Variants in ATP7B observed in about 807,000 individuals in gnomAD.
ATP7B encodes ATPase copper transporting beta.
A neutral mutation model predicts 118.9 loss-of-function variants in ATP7B; 113 were observed. The ratio of observed to expected loss-of-function variants is 0.95; its 90% CI spans 0.82 to 1.11. The LOEUF (loss-of-function observed/expected upper bound fraction) is 1.11, where lower values mean the gene tolerates loss of function less well. Among genes scored for constraint, ATP7B ranks in the 50% most tolerant of loss-of-function variants. The probability of loss-of-function intolerance (pLI) is 0.00; values close to 1 mark genes in which losing one functional copy is unlikely to be tolerated. For synonymous variants in ATP7B, 777 were observed against 727.4 expected, an observed-to-expected ratio of 1.07 and a Z score of -1.10; for missense variants, 1,867 against 1,871.4, an observed-to-expected ratio of 1.00 and a Z score of 0.04.
intron 14 of ATP7B, among the ~76,000 whole-genome samples, chr13:51,943,671 C>T (rs1957474585): frequency 6.6e-6 from 1 of 152,164 alleles, no homozygotes; most frequent in South Asian, 2.1e-4. Flanking sequence ...CACTCTGGCT[C>T]ACCTCTGCTG....
At chr13:51,950,239 C>A in intron 10 of ATP7B, 33 bp downstream of exon 10, 1 of 1,614,170 alleles carries the variant, frequency 6.2e-7, no homozygotes, top group East Asian at 2.2e-5. Context: ...GCTATGATAT[C>A]CTCCTGAGGG....
intron 3 of ATP7B, among the ~76,000 whole-genome samples, chr13:51,968,848 CT>C (rs1478827895): frequency 6.9e-6 from 1 of 144,992 alleles, no homozygotes; most frequent in East Asian, 2.1e-4. Context: ...TGGCAGGCAT[CT>C]TTTTTTCTTT....
At chr13:51,958,076 T>C in intron 8 of ATP7B, 2 of 574,082 alleles carry the variant, frequency 3.5e-6, no homozygotes, top group South Asian at 4.1e-5. Flanking sequence ...TTCTTTAGTT[T>C]ACACAATACA....
intron 1 of ATP7B, among the ~76,000 whole-genome samples, chr13:51,976,796 TAA>T (rs1248529156): frequency 6.6e-6 from 1 of 152,086 alleles, no homozygotes. Flanking sequence ...AAAGGTACAG[TAA>T]AAACACAATA....
intron 2 of ATP7B, among the ~76,000 whole-genome samples, chr13:51,973,232 G>C (rs1361550146): frequency 1.3e-5 from 2 of 152,058 alleles, no homozygotes; most frequent in East Asian, 3.9e-4. Context: ...GTAAGAAAAG[G>C]GCCTGGATGG....
At chr13:52,006,431 C>G (rs1953776253) in intron 1 of ATP7B, among the ~76,000 whole-genome samples, 1 of 152,236 alleles carries the variant, frequency 6.6e-6, no homozygotes, top group South Asian at 2.1e-4. Context: ...ATACTCAGGA[C>G]AGTTGAGTTT....
At chr13:51,982,005 A>ATTTT (rs5803589) in intron 1 of ATP7B, among the ~76,000 whole-genome samples, 7 of 140,928 alleles carry the variant, frequency 5.0e-5, no homozygotes, top group South Asian at 2.3e-4. Context: ...TTGGGTGTGA[A>ATTTT]TTTTTTTTTT....
rs189904517 is a variant in ATP7B, at chr13:51,999,922, A to C, written c.51+11365T>G. On this transcript the variant is annotated intron_variant, in intron 1 of 20. Transcript: ENST00000242839. ...CATACTTACTCTCAGCCAGTGACACACTGCCCAAGGTGACCAGTCCTTGTC... is the reference window on the plus strand; with the variant it reads ...CATACTTACTCTCAGCCAGTGACACCCTGCCCAAGGTGACCAGTCCTTGTC... 2.0e-5 allele frequency among the ~76,000 whole-genome samples: 3 copies of C among 151,984 alleles called. No homozygotes were observed. The East Asian group carries it at 5.8e-4, about 29-fold the overall frequency.
At chr13:51,935,990 C>T (rs1956938961) in intron 19 of ATP7B, among the ~76,000 whole-genome samples, 1 of 152,226 alleles carries the variant, frequency 6.6e-6, no homozygotes, top group Non-Finnish European at 1.5e-5. Flanking sequence ...CAGCGACAAA[C>T]CACAAGGAGT....
At chr13:51,989,230 GC>G (rs1484394374) in intron 1 of ATP7B, among the ~76,000 whole-genome samples, 1 of 152,076 alleles carries the variant, frequency 6.6e-6, no homozygotes, top group Admixed American at 6.6e-5. Context: ...ATTCCCCCAA[GC>G]CCTTCACTCT....
chr13:52,001,959 T>G (rs1318774662), intron 1 of ATP7B, among the ~76,000 whole-genome samples: 1 of 151,994 alleles, frequency 6.6e-6, no homozygotes, highest in East Asian at 1.9e-4. Context: ...CCCAGCTTGC[T>G]TATTTATTTA....
In ATP7B at chr13:51,968,481, T is replaced by C. The variant is rs769605349; in HGVS notation, c.1670A>G (p.Glu557Gly). 1 of 1,614,158 alleles carries C rather than the reference T, an allele frequency of 6.2e-7. No individual in the cohort carries two copies. Among genetic ancestry groups the C allele is most frequent in the Middle Eastern group, 1.6e-4 (1 of 6,062 alleles). ...QDLGFEAAVM[E>G]DYAGSDGNIE... The stretch of plus-strand genomic sequence containing the variant: ...GTTGCCATCGGAGCCTGCGTAGTCC[T>C]CCATGACTGCTGCCTCAAAACCCAG... The change falls in exon 4 of 21, where the codon GAG becomes GGG. Residue 557 changes from glutamate (E) to glycine (G), a missense_variant. Glu to Gly is a moderately conservative substitution (Grantham distance 98). Transcript: ENST00000242839.
chr13:51,933,573 T>C lies in ATP7B; in HGVS notation c.*1183A>G, dbSNP rs1229357100. The C allele has an allele frequency of 6.6e-6, 1 of 152,260 alleles. No homozygotes were observed. Among genetic ancestry groups the C allele is most frequent in the East Asian group, 1.9e-4 (1 of 5,192 alleles). 9.4% of individuals were successfully genotyped at this position (152,260 alleles called of 1,614,324 possible). A position where few individuals can be genotyped will look rare whatever the true frequency, so the allele number is the denominator to read the frequency against. On this transcript the variant is annotated 3_prime_UTR_variant, in exon 21 of 21. Transcript: ENST00000242839. ...CCCGTTCTGCTGCTCTGAGAGCCAC[T>C]GCCAGGTAAACAGATGCTCCCTTCG... is the stretch of plus-strand genomic sequence containing the variant.
At chr13:51,936,426 A>G (rs1189620506) in intron 19 of ATP7B, among the ~76,000 whole-genome samples, 7 of 107,204 alleles carry the variant, frequency 6.5e-5, no homozygotes, top group African/African-American at 2.6e-4. Context: ...TTTCATTGCC[A>G]TGTTCCTGGG....
intron 1 of ATP7B, among the ~76,000 whole-genome samples, chr13:51,986,417 T>C (rs1465620194): frequency 6.6e-6 from 1 of 152,044 alleles, no homozygotes; most frequent in East Asian, 1.9e-4. Context: ...ATTGAGGGAG[T>C]AATTAATAGC....
At position 51,975,098 on chromosome 13, in the gene ATP7B, T is replaced by C. The variant is rs201738967; in HGVS notation, c.122A>G (p.Asn41Ser). 6.1e-4 allele frequency: 991 copies of C among 1,614,114 alleles called. 2 individuals carry two copies. The highest frequency in any genetic ancestry group is 7.9e-4 in the Non-Finnish European group (930 of 1,180,050). ...PAMKKSFAFD[N>S]VGYEGGLDGL... is the part of the protein sequence containing the mutation. ...ATCCAGACCACCTTCATAGCCAACA[T>C]TGTCAAAAGCAAAACTCTTCTTCAT... Residue 41 changes from asparagine (N) to serine (S), a missense_variant, in exon 2 of 21, where the codon AAT (asparagine) becomes AGT (serine). Coordinates refer to ENST00000242839, the MANE Select transcript of ATP7B (RefSeq NM_000053.4).
chr13:51,974,093 G>A lies in ATP7B; in HGVS notation c.1127C>T (p.Ser376Phe), dbSNP rs762995412. Residue 376 changes from serine (S) to phenylalanine (F), a missense_variant, in exon 2 of 21, where the codon TCC (serine) becomes TTC (phenylalanine). Physicochemically the swap from Ser to Phe is radical, Grantham distance 155 (BLOSUM62 -2). Coordinates refer to ENST00000242839, the MANE Select transcript of ATP7B (RefSeq NM_000053.4). ...AGMTCASCVH[S>F]IEGMISQLEG... ...CAGTTGGGAGATCATGCCTTCAATG[G>A]AATGGACACAGGATGCACAGGTCAT... The A allele has an allele frequency of 1.2e-5, 20 of 1,614,002 alleles. No homozygotes were observed. The highest frequency in any genetic ancestry group is 1.6e-5 in the Non-Finnish European group (19 of 1,180,028).
intron 17 of ATP7B, among the ~76,000 whole-genome samples, chr13:51,938,501 G>T (rs1957111812): frequency 6.6e-6 from 1 of 152,230 alleles, no homozygotes; most frequent in Non-Finnish European, 1.5e-5. Context: ...TTCCCTCAAG[G>T]AACACAATTA....
chr13:51,991,170 T>C (rs1230505469), intron 1 of ATP7B, among the ~76,000 whole-genome samples: 1 of 152,084 alleles, frequency 6.6e-6, no homozygotes, highest in Admixed American at 6.6e-5. Context: ...AAATGCTAAG[T>C]CCACCACGTA....
Sources: gnomAD v4.1 joint callset for allele counts (sites outside exome capture counted in the v4.1 genomes callset) on GRCh38, gnomAD v4.1.1 for gene constraint, MANE v1.5 for transcripts, NCBI Gene and HGNC (gene_info 2026-07-23, HGNC 2026-07-21) for gene names.